PDGFD: variants seen among roughly 807,000 people sequenced by gnomAD.
PDGFD encodes platelet-derived growth factor D.
A neutral mutation model predicts 44.7 loss-of-function variants in PDGFD; 30 were observed. The ratio of observed to expected loss-of-function variants is 0.67; its 90% CI spans 0.50 to 0.91. The LOEUF is 0.91. PDGFD is among the 40% of genes least tolerant of loss of function. PDGFD has a pLI of 0.00. For synonymous variants in PDGFD, 173 were observed against 168.4 expected (o/e 1.03, Z -0.21); for missense variants, 445 against 457.8 (o/e 0.97, Z 0.25).
chr11:104,067,834 T>C (rs1860813314), intron 1 of PDGFD, among the ~76,000 whole-genome samples: 1 of 152,174 alleles, frequency 6.6e-6, no homozygotes, highest in Admixed American at 6.5e-5. Flanking sequence ...GTTATGCTCA[T>C]CTAGTATTTG....
chr11:104,119,560 TATATA>T (rs573733229), intron 1 of PDGFD, among the ~76,000 whole-genome samples: 4 of 72,822 alleles, frequency 5.5e-5, no homozygotes, highest in African/African-American at 1.3e-4. Flanking sequence ...ATTGATATAA[TATATA>T]ATATATTAAT....
chr11:104,057,375 T>C (rs1042682634), intron 1 of PDGFD, among the ~76,000 whole-genome samples: 5 of 152,142 alleles, frequency 3.3e-5, no homozygotes, highest in Non-Finnish European at 7.4e-5. Context: ...TCATAATTTA[T>C]ACAAAAAACA....
intron 1 of PDGFD, among the ~76,000 whole-genome samples, chr11:104,100,468 A>C (rs927733046): frequency 5.9e-5 from 9 of 152,196 alleles, no homozygotes. Flanking sequence ...TGAGGCAATA[A>C]TTAATAGCTT....
intron 1 of PDGFD, among the ~76,000 whole-genome samples, chr11:104,021,813 C>A (rs901929674): frequency 5.3e-5 from 8 of 152,096 alleles, no homozygotes; most frequent in Non-Finnish European, 7.4e-5. Flanking sequence ...CCTTCCAAAG[C>A]TTGGGTGGAA....
At chr11:104,072,684 A>T (rs1860898955) in intron 1 of PDGFD, among the ~76,000 whole-genome samples, 1 of 151,996 alleles carries the variant, frequency 6.6e-6, no homozygotes, top group Admixed American at 6.5e-5. Context: ...TTCCCCATTA[A>T]GTAAAATTCT....
intron 6 of PDGFD, among the ~76,000 whole-genome samples, chr11:103,924,078 G>A (rs1259714977): frequency 6.6e-6 from 1 of 152,172 alleles, no homozygotes; most frequent in Non-Finnish European, 1.5e-5. Flanking sequence ...CAGGCCTTCA[G>A]TGTTCTTCAA....
chr11:104,012,797 T>C (rs191293363), intron 1 of PDGFD, among the ~76,000 whole-genome samples: 3 of 152,344 alleles, frequency 2.0e-5, no homozygotes, highest in East Asian at 1.9e-4. Flanking sequence ...AATGAACTTT[T>C]AGTACTGTAA....
chr11:104,010,532 C>T (rs998452912), intron 1 of PDGFD, among the ~76,000 whole-genome samples: 2 of 151,946 alleles, frequency 1.3e-5, no homozygotes, highest in Admixed American at 1.3e-4. Flanking sequence ...TTCTTTCCTT[C>T]AAAATAGCTT....
chr11:103,988,230 G>C (rs973627324), intron 3 of PDGFD, among the ~76,000 whole-genome samples: 1 of 151,914 alleles, frequency 6.6e-6, no homozygotes, highest in African/African-American at 2.4e-5. Context: ...ATACAGGAAA[G>C]GTTATATGCA....
At chr11:104,036,301 G>A (rs556658285) in intron 1 of PDGFD, among the ~76,000 whole-genome samples, 1 of 152,042 alleles carries the variant, frequency 6.6e-6, no homozygotes, top group East Asian at 1.9e-4. Context: ...ACAATTAGCC[G>A]GGCATGGTAG....
At chr11:104,136,413 T>A (rs1377647656) in intron 1 of PDGFD, among the ~76,000 whole-genome samples, 1 of 152,032 alleles carries the variant, frequency 6.6e-6, no homozygotes, top group East Asian at 1.9e-4. Context: ...AGATAATAAG[T>A]AATGTCTAAA....
chr11:103,943,441 C>T lies in PDGFD; in HGVS notation c.772+11G>A, dbSNP rs1203513168. 2.5e-6 allele frequency: 4 copies of T among 1,606,782 alleles called. No homozygotes were observed. ...GTGCTTATGAAGAATGTACAAGTGT[C>T]TGTCTCTTACCTTTTGACTTCCGGT... is the stretch of plus-strand genomic sequence containing the variant. On this transcript the variant is annotated intron_variant, in intron 5 of 6. Coordinates refer to ENST00000393158, the MANE Select transcript of PDGFD (RefSeq NM_025208.5).
At chr11:104,107,918 T>TTAATTTAA (rs1861493774) in intron 1 of PDGFD, among the ~76,000 whole-genome samples, 1 of 152,158 alleles carries the variant, frequency 6.6e-6, no homozygotes, top group Admixed American at 6.6e-5. Flanking sequence ...ACTACCATCA[T>TTAATTTAA]TAATTTAACT....
chr11:104,037,514 T>C (rs1410770310), intron 1 of PDGFD: 2 of 1,613,912 alleles, frequency 1.2e-6, no homozygotes, highest in East Asian at 2.2e-5. Context: ...AATATAGCGA[T>C]AGAAGAGGCC....
intron 3 of PDGFD, among the ~76,000 whole-genome samples, chr11:103,953,543 T>C (rs1858790708): frequency 6.6e-6 from 1 of 152,126 alleles, no homozygotes; most frequent in Non-Finnish European, 1.5e-5. Flanking sequence ...AGTAAATTTC[T>C]AAAACTACAA....
At chr11:104,017,142 A>G (rs1420162330) in intron 1 of PDGFD, among the ~76,000 whole-genome samples, 3 of 152,198 alleles carry the variant, frequency 2.0e-5, no homozygotes, top group Admixed American at 1.3e-4. Flanking sequence ...CATAGAGAGA[A>G]GGTGCCATCT....
intron 3 of PDGFD, among the ~76,000 whole-genome samples, chr11:103,961,088 T>C (rs1361576537): frequency 6.6e-6 from 1 of 152,144 alleles, no homozygotes; most frequent in East Asian, 1.9e-4. Context: ...TCCATTAGGG[T>C]GTAAGCTCCT....
At chr11:103,922,550 C>CA in intron 6 of PDGFD, among the ~76,000 whole-genome samples, 1 of 151,504 alleles carries the variant, frequency 6.6e-6, no homozygotes, top group East Asian at 1.9e-4. Context: ...AGAAGAATTC[C>CA]CCCCCGCCTT....
chr11:103,927,032 A>G lies in PDGFD; in HGVS notation c.867T>C (p.Asn289=). 1.9e-6 allele frequency: 3 copies of G among 1,614,178 alleles called. No homozygotes were observed. The highest frequency in any genetic ancestry group is 2.5e-6 in the Non-Finnish European group (3 of 1,180,000). The change falls in exon 6 of 7, where the codon AAT becomes AAC. Residue 289 remains asparagine, a synonymous_variant. Transcript: ENST00000393158. Reference sequence around the variant, plus strand: ...GGAGGCAACGTGGAAAGAAGACCACATTGGCCAACTTCAGCTCTTCTCTTA... The same window carrying G: ...GGAGGCAACGTGGAAAGAAGACCACGTTGGCCAACTTCAGCTCTTCTCTTA... ...VNIREELKLA[N]VVFFPRCLLV... is the part of the protein sequence containing the mutation.
Sources: gnomAD v4.1 joint callset for allele counts (sites outside exome capture counted in the v4.1 genomes callset) on GRCh38, gnomAD v4.1.1 for gene constraint, MANE v1.5 for transcripts, NCBI Gene and HGNC (gene_info 2026-07-23, HGNC 2026-07-21) for gene names.